The following AKR1B10 variants were observed in gnomAD, a reference collection of about 807,000 sequenced individuals.
AKR1B10 encodes aldo-keto reductase family 1 member B10, also known as ARP.
Under a neutral mutation model 38.9 loss-of-function variants are expected in AKR1B10, and 39 were observed. The observed-to-expected ratio is 1.00, with a 90% confidence interval of 0.78 to 1.31. AKR1B10 has a LOEUF of 1.31. AKR1B10 is among the 50% of genes most tolerant of loss of function. The pLI, the probability that AKR1B10 is intolerant of heterozygous loss-of-function variation, is 0.00. For missense variants in AKR1B10, 361 were observed against 382.6 expected, an observed-to-expected ratio of 0.94 and a Z score of 0.47; for synonymous variants, 148 against 141.2, an observed-to-expected ratio of 1.05 and a Z score of -0.34.
intron 3 of AKR1B10, 32 bp from the exon 4 acceptor site, chr7:134,532,972 A>G (rs1807901431): frequency 2.5e-6 from 4 of 1,583,344 alleles, no homozygotes; most frequent in Non-Finnish European, 3.4e-6. Flanking sequence ...CCTGATGCAG[A>G]TTCCAGTAAA....
At chr7:134,535,987 G>A (rs1422064617) in intron 4 of AKR1B10, among the ~76,000 whole-genome samples, 2 of 152,242 alleles carry the variant, frequency 1.3e-5, no homozygotes, top group Admixed American at 6.5e-5. Flanking sequence ...TTCCTTGCGT[G>A]TCCATGCAGT....
chr7:134,540,933 G>A, intron 9 of AKR1B10, 114 bp from the exon 10 acceptor site: 1 of 774,460 alleles, frequency 1.3e-6, no homozygotes, highest in East Asian at 2.7e-5. Flanking sequence ...CAGGGAGGAG[G>A]CTAAGAGAGC....
intron 1 of AKR1B10, among the ~76,000 whole-genome samples, chr7:134,529,552 G>A (rs1187831570): frequency 6.6e-6 from 1 of 152,106 alleles, no homozygotes; most frequent in Non-Finnish European, 1.5e-5. Context: ...GTAGCGGTTG[G>A]GGGCACAGGG....
intron 8 of AKR1B10, among the ~76,000 whole-genome samples, chr7:134,538,687 A>G (rs1808075909): frequency 1.3e-5 from 2 of 152,292 alleles, no homozygotes; most frequent in African/African-American, 2.4e-5. Flanking sequence ...GGGCCTGTGC[A>G]CGCCTGGGGT....
At chr7:134,535,080 G>A (rs372617656) in intron 4 of AKR1B10, among the ~76,000 whole-genome samples, 3 of 151,938 alleles carry the variant, frequency 2.0e-5, no homozygotes, top group Admixed American at 6.6e-5. Flanking sequence ...TCGGACTCCT[G>A]GGCTGAAGCA....
chr7:134,530,908 T>C, intron 2 of AKR1B10, 98 bp downstream of exon 2: 1 of 1,458,520 alleles, frequency 6.9e-7, no homozygotes, highest in Non-Finnish European at 9.3e-7. Context: ...TTTCTACATG[T>C]ACCCCTTTTC....
chr7:134,538,446 G>A (rs1309748963), intron 8 of AKR1B10, among the ~76,000 whole-genome samples, 169 bp downstream of exon 8: 4 of 152,118 alleles, frequency 2.6e-5, no homozygotes, highest in Admixed American at 2.6e-4. Context: ...TGAGATGAAT[G>A]ACCCATGGGC....
rs1250211214 is a variant in AKR1B10, at chr7:134,538,964, G to T, written c.855G>T (p.Glu285Asp). 6.2e-7 allele frequency: 1 copy of T among 1,613,930 alleles called. No homozygotes were observed. The highest frequency in any genetic ancestry group is 8.5e-7 in the Non-Finnish European group (1 of 1,179,982). ...QVFDFKLSDE[E>D]MATILSFNRN... is the part of the protein sequence containing the mutation. ...TTGACTTTAAATTGAGTGATGAGGA[G>T]ATGGCAACCATACTCAGCTTCAACA... Residue 285 changes from glutamate to aspartate, a missense_variant, in exon 9 of 10, where the codon GAG becomes GAT. This residue lies in a region of AKR1B10 where 132 missense variants were observed against 134.6 expected (regional missense o/e 0.98). Transcript: ENST00000359579.
chr7:134,541,202 G>C lies in AKR1B10; in HGVS notation c.*113G>C. ...CTTATTTAAGATCACAGTGAACTTA[G>C]TCCTGTTATAGACGAGAATCGAGGT... On this transcript the variant is annotated 3_prime_UTR_variant, in exon 10 of 10. Coordinates refer to ENST00000359579, the MANE Select transcript of AKR1B10 (RefSeq NM_020299.5). 1.3e-6 allele frequency: 1 copy of C among 794,424 alleles called. No homozygotes were observed. Among genetic ancestry groups the C allele is most frequent in the Admixed American group, 2.7e-5 (1 of 37,638 alleles). 49.2% of individuals were successfully genotyped at this position (794,424 alleles called of 1,614,324 possible).
chr7:134,536,599 GT>G (rs1808012018), intron 4 of AKR1B10, 50 bp from the exon 5 acceptor site: 1 of 1,591,598 alleles, frequency 6.3e-7, no homozygotes, highest in East Asian at 2.2e-5. Context: ...GCAAGCCAGG[GT>G]CCCTGTAGTC....
At chr7:134,538,716 G>A (rs1808076503) in intron 8 of AKR1B10, among the ~76,000 whole-genome samples, 1 of 152,134 alleles carries the variant, frequency 6.6e-6, no homozygotes, top group Non-Finnish European at 1.5e-5. Context: ...TGTGAGCCTG[G>A]TCTCCCTCCC....
In AKR1B10 at chr7:134,527,874, C is replaced by T. The variant is rs1271986843; in HGVS notation, c.-38C>T. 6.2e-7 allele frequency: 1 copy of T among 1,612,144 alleles called. No homozygotes were observed. The highest frequency in any genetic ancestry group is 8.5e-7 in the Non-Finnish European group (1 of 1,179,818). On this transcript the variant is annotated 5_prime_UTR_variant, in exon 1 of 10. Coordinates refer to ENST00000359579, the MANE Select transcript of AKR1B10 (RefSeq NM_020299.5). ...CAGCAACAGAGAGCAGGACGTGAGA[C>T]TTCTACCTGCTCACTCAGAATCATT...
At chr7:134,538,342 C>G in intron 8 of AKR1B10, 65 bp downstream of exon 8, 3 of 1,457,516 alleles carry the variant, frequency 2.1e-6, no homozygotes, top group Non-Finnish European at 1.9e-6. Flanking sequence ...GACCTTCTCA[C>G]TAGGCTTCTC....
chr7:134,535,756 A>C, intron 4 of AKR1B10: 1 of 897,114 alleles, frequency 1.1e-6, no homozygotes. Context: ...TGATGGCTCC[A>C]TAGAAGGGAA....
In AKR1B10 at chr7:134,539,074, G is replaced by A. The variant is rs1562932304; in HGVS notation, c.908+57G>A. 17 of 1,595,090 alleles carry A rather than the reference G, an allele frequency of 1.1e-5. 1 individual carries two copies. The highest frequency in any genetic ancestry group is 8.6e-7 in the Non-Finnish European group (1 of 1,164,048). On this transcript the variant is annotated intron_variant, in intron 9 of 9. Coordinates refer to ENST00000359579, the MANE Select transcript of AKR1B10 (RefSeq NM_020299.5). ...CCAGGAGTTTTTCTAAACTAATAGA[G>A]GGTTAGTTGGAAGGATTGGAAGGCT... is the stretch of plus-strand genomic sequence containing the variant.
intron 4 of AKR1B10, among the ~76,000 whole-genome samples, chr7:134,534,018 A>G (rs1341303827): frequency 2.0e-5 from 3 of 152,310 alleles, no homozygotes; most frequent in African/African-American, 7.2e-5. Flanking sequence ...GCAAAAATAT[A>G]TTATGTTTCA....
In AKR1B10 at chr7:134,527,923, T is replaced by A; in HGVS notation, c.12T>A (p.Phe4Leu). The part of the protein sequence containing the change: MAT[F>L]VELSTKAKMP... ...TTTCTGCACCAACCATGGCCACGTT[T>A]GTGGAGCTCAGTACCAAAGCCAAGA... Residue 4 changes from phenylalanine (F) to leucine (L), a missense_variant, in exon 1 of 10, where the codon TTT becomes TTA. Coordinates refer to ENST00000359579, the MANE Select transcript of AKR1B10 (RefSeq NM_020299.5). The A allele has an allele frequency of 6.2e-7, 1 of 1,613,642 alleles. No individual in the cohort carries two copies. Among genetic ancestry groups the A allele is most frequent in the Non-Finnish European group, 8.5e-7 (1 of 1,179,948 alleles).
intron 4 of AKR1B10, 104 bp from the exon 5 acceptor site, chr7:134,536,546 T>C: frequency 5.3e-6 from 8 of 1,510,130 alleles, no homozygotes; most frequent in Non-Finnish European, 6.2e-6. Flanking sequence ...CTAACCCTGT[T>C]ACGGTGGATC....
chr7:134,531,301 A>T (rs1171142519), intron 2 of AKR1B10, among the ~76,000 whole-genome samples: 1 of 152,238 alleles, frequency 6.6e-6, no homozygotes, highest in African/African-American at 2.4e-5. Flanking sequence ...GTTATAAAAA[A>T]GAAGAAGATG....
Sources: gnomAD v4.1 joint callset for allele counts (sites outside exome capture counted in the v4.1 genomes callset) on GRCh38, gnomAD v4.1.1 for gene constraint, gnomAD v4.1.1 regional missense constraint, MANE v1.5 for transcripts, NCBI Gene and HGNC (gene_info 2026-07-23, HGNC 2026-07-21) for gene names.